SEPHS1: variants seen among roughly 807,000 people sequenced by gnomAD.
SEPHS1 encodes selenophosphate synthetase 1.
A neutral mutation model predicts 39.2 loss-of-function variants in SEPHS1; 7 were observed. That is an observed-to-expected ratio of 0.18 (90% CI 0.10 to 0.34). The LOEUF (loss-of-function observed/expected upper bound fraction) is 0.34. Ranked by LOEUF, SEPHS1 falls within the 10% of genes least tolerant of loss-of-function variation. The pLI, the probability that SEPHS1 is intolerant of heterozygous loss-of-function variation, is 1.00. For missense variants in SEPHS1, 253 were observed against 514.5 expected (o/e 0.49, Z 4.92); for synonymous variants, 190 against 195.5 (o/e 0.97, Z 0.23).
rs1038889841 is a variant in SEPHS1 at position 13,318,696 on chromosome 10, G to A, written c.*446C>T. On this transcript the variant is annotated 3_prime_UTR_variant, in exon 9 of 9. Transcript: ENST00000327347. ...TCTTATGACTGGGATACCGTCATGT[G>A]CCACTTACCAATGCTGTCTCTCCAG... 2.2e-5 allele frequency: 4 copies of A among 179,622 alleles called. No homozygotes were observed. Among genetic ancestry groups the A allele is most frequent in the Non-Finnish European group, 4.5e-5 (4 of 87,954 alleles). 11.1% of individuals were successfully genotyped at this position (179,622 alleles called of 1,614,324 possible).
At chr10:13,320,754 G>T (rs1452867939) in intron 8 of SEPHS1, among the ~76,000 whole-genome samples, 1 of 152,082 alleles carries the variant, frequency 6.6e-6, no homozygotes, top group Non-Finnish European at 1.5e-5. Flanking sequence ...CTTGAACCGG[G>T]GAGGGGGAGG....
At chr10:13,345,855 C>G (rs1238447639) in intron 1 of SEPHS1, among the ~76,000 whole-genome samples, 1 of 152,078 alleles carries the variant, frequency 6.6e-6, no homozygotes, top group Non-Finnish European at 1.5e-5. Flanking sequence ...CCAGCCTGGG[C>G]GAGAGTGAGA....
chr10:13,342,620 CATATATACCATAT>C (rs1752230536), intron 2 of SEPHS1, among the ~76,000 whole-genome samples: 1 of 152,134 alleles, frequency 6.6e-6, no homozygotes, highest in Non-Finnish European at 1.5e-5. Context: ...AACACCCATA[CATATATACCATAT>C]ATACTTGTGT....
chr10:13,336,916 C>T (rs558500183), intron 3 of SEPHS1, among the ~76,000 whole-genome samples: 207 of 152,126 alleles, frequency 1.4e-3, no homozygotes, highest in Non-Finnish European at 2.7e-3. Flanking sequence ...TTTGAGAGGC[C>T]GAATCAGGTG....
At chr10:13,331,629 C>T (rs1269668501) in intron 5 of SEPHS1, among the ~76,000 whole-genome samples, 2 of 152,184 alleles carry the variant, frequency 1.3e-5, no homozygotes, top group East Asian at 1.9e-4. Flanking sequence ...ATGATCCACC[C>T]GTCTTGGCTT....
intron 2 of SEPHS1, among the ~76,000 whole-genome samples, chr10:13,341,491 C>G (rs1332154900): frequency 1.3e-5 from 2 of 148,630 alleles, no homozygotes; most frequent in Non-Finnish European, 3.0e-5. Flanking sequence ...CTTGATAGCT[C>G]CTAGGCACCA....
At chr10:13,338,660 CAAAT>C (rs756677377) in intron 3 of SEPHS1, 41 bp downstream of exon 3, 5 of 1,492,260 alleles carry the variant, frequency 3.4e-6, no homozygotes, top group Non-Finnish European at 4.7e-6. Context: ...CCAAACCAAA[CAAAT>C]AAGCCCTTCC....
At chr10:13,337,832 GAAGA>G (rs1456738498) in intron 3 of SEPHS1, among the ~76,000 whole-genome samples, 3 of 152,188 alleles carry the variant, frequency 2.0e-5, no homozygotes, top group African/African-American at 7.2e-5. Context: ...CAGATGTGCG[GAAGA>G]AATATAGGTT....
chr10:13,335,507 T>C (rs962199061), intron 4 of SEPHS1, among the ~76,000 whole-genome samples: 3 of 149,520 alleles, frequency 2.0e-5, no homozygotes, highest in Non-Finnish European at 4.4e-5. Flanking sequence ...CTACTGAAAA[T>C]ATAAAAATTA....
chr10:13,321,141 C>T (rs1444208048), intron 8 of SEPHS1, among the ~76,000 whole-genome samples: 1 of 152,196 alleles, frequency 6.6e-6, no homozygotes, highest in East Asian at 1.9e-4. Flanking sequence ...TGGTCCCTTG[C>T]CCCGGCCTAC....
chr10:13,344,650 C>CA, intron 2 of SEPHS1, 108 bp downstream of exon 2: 3 of 803,732 alleles, frequency 3.7e-6, no homozygotes, highest in Non-Finnish European at 5.6e-6. Context: ...TCTATAAAAG[C>CA]AAAAAAAGTA....
chr10:13,336,558 T>C (rs1833642172), intron 3 of SEPHS1: 1 of 594,304 alleles, frequency 1.7e-6, no homozygotes, highest in East Asian at 2.8e-5. Context: ...TTCTCAGACA[T>C]TCCTGTTACC....
intron 7 of SEPHS1, among the ~76,000 whole-genome samples, chr10:13,326,970 G>A (rs976900348): frequency 1.8e-4 from 27 of 152,136 alleles, no homozygotes; most frequent in African/African-American, 6.5e-4. Flanking sequence ...GTGTACTATG[G>A]CTCACGCCTA....
At chr10:13,342,191 T>C (rs1025837370) in intron 2 of SEPHS1, among the ~76,000 whole-genome samples, 6 of 147,254 alleles carry the variant, frequency 4.1e-5, no homozygotes, top group African/African-American at 1.0e-4. Context: ...GGCGTGAACC[T>C]GGGAGGCGGA....
chr10:13,330,138 GA>G (rs1175936339), intron 5 of SEPHS1, among the ~76,000 whole-genome samples: 1 of 152,150 alleles, frequency 6.6e-6, no homozygotes, highest in Admixed American at 6.5e-5. Flanking sequence ...TAAAAAGAAT[GA>G]AACATTTAGC....
chr10:13,338,562 G>A, intron 3 of SEPHS1, 143 bp downstream of exon 3: 1 of 633,824 alleles, frequency 1.6e-6, no homozygotes, highest in Non-Finnish European at 2.8e-6. Context: ...GCAACTGCAG[G>A]AGTCTGGGCA....
intron 1 of SEPHS1, 135 bp downstream of exon 1, chr10:13,347,865 G>A (rs1412787304): frequency 6.9e-6 from 1 of 145,556 alleles, no homozygotes; most frequent in Admixed American, 6.8e-5. Context: ...GGCAGGGCTG[G>A]CGGGGCCGGC....
intron 5 of SEPHS1, among the ~76,000 whole-genome samples, chr10:13,330,121 A>G (rs1008944723): frequency 2.0e-5 from 3 of 152,130 alleles, no homozygotes; most frequent in East Asian, 1.9e-4. Context: ...AATAATATAC[A>G]TATTTTTAAA....
At chr10:13,323,560 G>A (rs918102528) in intron 7 of SEPHS1, among the ~76,000 whole-genome samples, 2 of 151,694 alleles carry the variant, frequency 1.3e-5, no homozygotes, top group Non-Finnish European at 2.9e-5. Flanking sequence ...TCACCATATT[G>A]GCCAGGCTGA....
Sources: allele counts gnomAD v4.1 joint callset (sites outside exome capture counted in the v4.1 genomes callset), GRCh38; gene constraint gnomAD v4.1.1; transcripts MANE v1.5; gene names NCBI Gene and HGNC (gene_info 2026-07-23, HGNC 2026-07-21).